PIK3R1: variants seen among roughly 807,000 people sequenced by gnomAD.
PIK3R1 encodes phosphatidylinositol 3-kinase regulatory subunit alpha.
PIK3R1 carries 29 observed loss-of-function variants against 98.0 expected under a neutral mutation model. The ratio of observed to expected loss-of-function variants is 0.30; its 90% CI spans 0.22 to 0.40. The LOEUF (loss-of-function observed/expected upper bound fraction) is 0.40, where lower values mean the gene tolerates loss of function less well. PIK3R1 is among the 10% of genes least tolerant of loss of function. PIK3R1 has a pLI of 1.00. For synonymous variants in PIK3R1, 282 were observed against 311.8 expected (o/e 0.90, Z 1.01); for missense variants, 596 against 872.7 (o/e 0.68, Z 3.99).
intron 2 of PIK3R1, among the ~76,000 whole-genome samples, chr5:68,241,903 G>C (rs2112025975): frequency 6.6e-6 from 1 of 152,302 alleles, no homozygotes; most frequent in Admixed American, 6.5e-5. Context: ...ACTAATTTAA[G>C]AATCTTATAG....
Position 68,244,520 on chromosome 5 carries a change from CCCG to C in PIK3R1, c.334+17514_334+17516del, listed in dbSNP as rs1175505374. 6.4e-5 allele frequency among the ~76,000 whole-genome samples: 2 copies of C among 31,344 alleles called. 1 individual carries two copies. The highest frequency in any genetic ancestry group is 3.8e-4 in the African/African-American group (2 of 5,294). The allele number at this position is 31,344 out of a possible 152,430, so 20.6% of individuals were successfully genotyped here. A position where few individuals can be genotyped will look rare whatever the true frequency, so the allele number is the denominator to read the frequency against. ...CCGCCTATTTCTCTAGGACCGCCCCCCCGCCCCCCGCCGCCGCTTCAGAGAGCT... is the reference window on the plus strand; with the variant it reads ...CCGCCTATTTCTCTAGGACCGCCCCCCCCCCCGCCGCCGCTTCAGAGAGCT... On this transcript the variant is annotated intron_variant, in intron 2 of 15. Transcript: ENST00000521381.
intron 7 of PIK3R1, chr5:68,288,696 T>TC (rs747822421): frequency 1.2e-6 from 2 of 1,610,718 alleles, no homozygotes; most frequent in Non-Finnish European, 1.7e-6. Context: ...TTTTTTTTTT[T>TC]CATTGTCGGA....
intron 4 of PIK3R1, 99 bp downstream of exon 4, chr5:68,274,112 T>C (rs1322444005): frequency 3.1e-5 from 28 of 913,934 alleles, no homozygotes; most frequent in Non-Finnish European, 5.0e-5. Context: ...ATCTATGCAG[T>C]GTTCTAAATT....
At chr5:68,259,343 C>T (rs962135056) in intron 2 of PIK3R1, among the ~76,000 whole-genome samples, 3 of 152,134 alleles carry the variant, frequency 2.0e-5, no homozygotes, top group Non-Finnish European at 2.9e-5. Flanking sequence ...TGGCTTACAG[C>T]GAGACCCCAC....
Position 68,262,644 on chromosome 5 carries a change from C to CATGTATCTGCATGTCTACACATGTAGAT in PIK3R1, c.335-10745_335-10744insTGTATCTGCATGTCTACACATGTAGATA, listed in dbSNP as rs1561278161. 6.2e-4 allele frequency among the ~76,000 whole-genome samples: 71 copies of CATGTATCTGCATGTCTACACATGTAGAT among 115,178 alleles called. No individual in the cohort carries two copies. In the East Asian group the frequency reaches 0.017, roughly 28 times the overall value. The allele number at this position is 115,178 out of a possible 152,430, so 75.6% of individuals were successfully genotyped here. On this transcript the variant is annotated intron_variant, in intron 2 of 15. Coordinates refer to ENST00000521381, the MANE Select transcript of PIK3R1 (RefSeq NM_181523.3). ...GTAGATGCATGTATACACATGTATA[C>CATGTATCTGCATGTCTACACATGTAGAT]ACATGTATCTGCATGTATACACATG... is the stretch of plus-strand genomic sequence containing the variant.
intron 1 of PIK3R1, among the ~76,000 whole-genome samples, chr5:68,216,346 A>G (rs1174776178): frequency 6.6e-6 from 1 of 152,138 alleles, no homozygotes; most frequent in East Asian, 1.9e-4. Context: ...CCCTCACCGG[A>G]GGAGAGCGCC....
At chr5:68,257,966 A>G (rs1745590372) in intron 2 of PIK3R1, among the ~76,000 whole-genome samples, 1 of 152,264 alleles carries the variant, frequency 6.6e-6, no homozygotes, top group South Asian at 2.1e-4. Context: ...AGAGAAAACA[A>G]TAGCACCCTG....
intron 7 of PIK3R1, among the ~76,000 whole-genome samples, chr5:68,287,834 A>G (rs532830115): frequency 1.3e-5 from 2 of 151,490 alleles, no homozygotes; most frequent in African/African-American, 2.4e-5. Flanking sequence ...TCACATGATC[A>G]TGGAGTATAG....
At chr5:68,274,803 G>A (rs530729390) in intron 4 of PIK3R1, among the ~76,000 whole-genome samples, 24 of 152,328 alleles carry the variant, frequency 1.6e-4, no homozygotes, top group African/African-American at 5.5e-4. Context: ...TTACTTGCCA[G>A]CATTCCAGCA....
intron 5 of PIK3R1, 31 bp from the exon 6 acceptor site, chr5:68,280,497 T>C: frequency 1.4e-6 from 2 of 1,447,312 alleles, no homozygotes; most frequent in African/African-American, 2.8e-5. Context: ...CGCTTACTCA[T>C]TTCTCTTTTT....
chr5:68,272,265 A>AAAGG (rs1554048918), intron 2 of PIK3R1, among the ~76,000 whole-genome samples: 1 of 146,202 alleles, frequency 6.8e-6, no homozygotes, highest in Non-Finnish European at 1.5e-5. Context: ...AAAAAAAAAA[A>AAAGG]AAAAAGAAAA....
intron 7 of PIK3R1, among the ~76,000 whole-genome samples, chr5:68,283,923 T>A (rs189495913): frequency 6.6e-6 from 1 of 152,316 alleles, no homozygotes; most frequent in African/African-American, 2.4e-5. Flanking sequence ...ACTAAAAATA[T>A]GTGAAATTAG....
At chr5:68,275,587 G>T (rs1398768191) in intron 4 of PIK3R1, among the ~76,000 whole-genome samples, 1 of 151,624 alleles carries the variant, frequency 6.6e-6, no homozygotes, top group Non-Finnish European at 1.5e-5. Context: ...CACGTCAATG[G>T]TACATTTTGA....
chr5:68,264,337 C>T (rs532434393), intron 2 of PIK3R1, among the ~76,000 whole-genome samples: 4 of 152,182 alleles, frequency 2.6e-5, no homozygotes, highest in Non-Finnish European at 4.4e-5. Context: ...TTTAACCTCA[C>T]ATATGGCATC....
chr5:68,277,155 C>T (rs1035735781), intron 4 of PIK3R1, among the ~76,000 whole-genome samples: 1 of 152,138 alleles, frequency 6.6e-6, no homozygotes, highest in South Asian at 2.1e-4. Context: ...ATTAATTTTC[C>T]GGGCAGAGAG....
At chr5:68,242,195 A>G (rs1744895072) in intron 2 of PIK3R1, among the ~76,000 whole-genome samples, 1 of 152,202 alleles carries the variant, frequency 6.6e-6, no homozygotes, top group Non-Finnish European at 1.5e-5. Flanking sequence ...ACCTAGAAAA[A>G]TGTTTGTGTT....
chr5:68,283,223 AATG>A (rs1228422460), intron 7 of PIK3R1, among the ~76,000 whole-genome samples: 2 of 152,238 alleles, frequency 1.3e-5, no homozygotes, highest in African/African-American at 4.8e-5. Context: ...TGAGTACCTG[AATG>A]ATGTTTAAGG....
Position 68,297,698 on chromosome 5 carries a change from C to A in PIK3R1, c.*97C>A. ...CCAGTCTGATCTGTGAATTGAGCTG[C>A]AGAAACGAAGCCATCTTTCTTTGGA... On this transcript the variant is annotated 3_prime_UTR_variant, in exon 16 of 16. Transcript: ENST00000521381. 3.0e-6 allele frequency: 3 copies of A among 1,002,708 alleles called. No individual in the cohort carries two copies. Among genetic ancestry groups the A allele is most frequent in the South Asian group, 1.6e-5 (1 of 64,242 alleles). 62.1% of individuals were successfully genotyped at this position (1,002,708 alleles called of 1,614,324 possible).
intron 2 of PIK3R1, among the ~76,000 whole-genome samples, chr5:68,229,135 G>C (rs1008882966): frequency 5.3e-5 from 8 of 151,752 alleles, no homozygotes; most frequent in African/African-American, 1.9e-4. Flanking sequence ...GTGTTGGGGG[G>C]GGGTCATGTG....
Sources: allele counts gnomAD v4.1 joint callset (sites outside exome capture counted in the v4.1 genomes callset), GRCh38; gene constraint gnomAD v4.1.1; transcripts MANE v1.5; gene names NCBI Gene and HGNC (gene_info 2026-07-23, HGNC 2026-07-21).